The following TBC1D5 variants were observed in gnomAD, a reference collection of about 807,000 sequenced individuals.
TBC1D5 encodes TBC1 domain family, member 5.
A neutral mutation model predicts 100.3 loss-of-function variants in TBC1D5; 75 were observed. That is an observed-to-expected ratio of 0.75 (90% CI 0.62 to 0.91). The LOEUF (loss-of-function observed/expected upper bound fraction) is 0.91, where lower values mean the gene tolerates loss of function less well. TBC1D5 is among the 40% of genes least tolerant of loss of function. The pLI is 0.00. For synonymous variants in TBC1D5, 323 were observed against 325.6 expected, an observed-to-expected ratio of 0.99 and a Z score of 0.09; for missense variants, 910 against 942.4, an observed-to-expected ratio of 0.97 and a Z score of 0.45.
At chr3:17,642,219 C>T (rs1014464416) in intron 1 of TBC1D5, among the ~76,000 whole-genome samples, 1 of 151,968 alleles carries the variant, frequency 6.6e-6, no homozygotes, top group Non-Finnish European at 1.5e-5. Flanking sequence ...TGAGGGTGAC[C>T]ATTGTGTTCT....
At chr3:17,667,531 A>C (rs965439649) in intron 1 of TBC1D5, among the ~76,000 whole-genome samples, 2 of 151,960 alleles carry the variant, frequency 1.3e-5, no homozygotes, top group African/African-American at 4.8e-5. Context: ...TCATGGCTGC[A>C]GCCTTGACCT....
chr3:17,620,161 C>T (rs1239656361), intron 2 of TBC1D5, among the ~76,000 whole-genome samples: 1 of 152,160 alleles, frequency 6.6e-6, no homozygotes, highest in African/African-American at 2.4e-5. Context: ...TTGTTAGCAA[C>T]AAAGTCTCAC....
intron 14 of TBC1D5, among the ~76,000 whole-genome samples, chr3:17,293,304 A>G (rs2081943240): frequency 1.3e-5 from 2 of 152,224 alleles, no homozygotes; most frequent in South Asian, 4.1e-4. Flanking sequence ...TTTTATGTAC[A>G]GATTTCTTTG....
intron 3 of TBC1D5, among the ~76,000 whole-genome samples, chr3:17,504,457 T>G (rs1405178410): frequency 6.6e-6 from 1 of 151,584 alleles, no homozygotes; most frequent in Admixed American, 6.6e-5. Context: ...AAAAACAAAA[T>G]AAAAATTAAA....
At chr3:17,682,831 C>T (rs2153813586) in intron 1 of TBC1D5, among the ~76,000 whole-genome samples, 1 of 151,566 alleles carries the variant, frequency 6.6e-6, no homozygotes, top group East Asian at 1.9e-4. Flanking sequence ...AACTTAAAAA[C>T]TTTTAGTGAT....
chr3:17,461,353 G>A (rs546746074), intron 3 of TBC1D5, among the ~76,000 whole-genome samples: 5 of 152,102 alleles, frequency 3.3e-5, no homozygotes, highest in African/African-American at 1.2e-4. Flanking sequence ...TGTACATACT[G>A]TGGGCTTCTC....
chr3:17,166,664 G>A, intron 21 of TBC1D5, 103 bp downstream of exon 22: 1 of 1,462,922 alleles, frequency 6.8e-7, no homozygotes. Context: ...TTCATACATG[G>A]TAATTTGAAG....
rs868234497 is a variant in TBC1D5 at position 17,532,263 on chromosome 3, A to T, written c.-35-23658T>A. Among the ~76,000 whole-genome samples, 483 of 152,366 alleles carry T rather than the reference A, an allele frequency of 3.2e-3. 3 individuals are homozygous for T. The highest frequency in any genetic ancestry group is 0.02 in the South Asian group (96 of 4,832). On this transcript the variant is annotated intron_variant, in intron 2 of 21. Transcript: ENST00000253692. ...CTCATCATCACTGGCCATCAGAGAA[A>T]TGCAAATCAAAACCACAATGAGATA...
At chr3:17,474,399 C>T (rs560600788) in intron 3 of TBC1D5, among the ~76,000 whole-genome samples, 1 of 151,902 alleles carries the variant, frequency 6.6e-6, no homozygotes, top group Non-Finnish European at 1.5e-5. Flanking sequence ...AAAATCATAC[C>T]CTGTTTTCTA....
At chr3:17,495,499 T>A (rs181183149) in intron 3 of TBC1D5, among the ~76,000 whole-genome samples, 8 of 152,344 alleles carry the variant, frequency 5.3e-5, no homozygotes, top group African/African-American at 1.9e-4. Context: ...CTTTTCTGTT[T>A]ACAGAGAACA....
intron 15 of TBC1D5, among the ~76,000 whole-genome samples, chr3:17,281,174 T>C (rs547166917): frequency 1.3e-5 from 2 of 152,220 alleles, no homozygotes; most frequent in Non-Finnish European, 2.9e-5. Context: ...CATCTTTACG[T>C]GTTTCAACCA....
At chr3:17,328,942 A>T (rs1243498385) in intron 13 of TBC1D5, among the ~76,000 whole-genome samples, 1 of 152,230 alleles carries the variant, frequency 6.6e-6, no homozygotes, top group African/African-American at 2.4e-5. Context: ...GGATGAGGAA[A>T]TAGTTTTAAA....
At chr3:17,595,012 C>T (rs1057423043) in intron 2 of TBC1D5, among the ~76,000 whole-genome samples, 18 of 152,224 alleles carry the variant, frequency 1.2e-4, no homozygotes, top group Admixed American at 6.5e-4. Flanking sequence ...AATCAGCTGC[C>T]AGCACAGCTA....
chr3:17,228,509 C>T (rs895784538), intron 17 of TBC1D5, among the ~76,000 whole-genome samples: 3 of 152,116 alleles, frequency 2.0e-5, no homozygotes, highest in Non-Finnish European at 4.4e-5. Flanking sequence ...TGAAACCCCT[C>T]CTGGTAGGAC....
intron 15 of TBC1D5, among the ~76,000 whole-genome samples, chr3:17,286,062 C>T (rs1211819551): frequency 1.3e-5 from 2 of 152,082 alleles, no homozygotes; most frequent in African/African-American, 4.8e-5. Flanking sequence ...AAATGGTAGC[C>T]GTCAAATTCT....
intron 17 of TBC1D5, among the ~76,000 whole-genome samples, chr3:17,236,640 C>T (rs2075877495): frequency 6.6e-6 from 1 of 152,136 alleles, no homozygotes; most frequent in Non-Finnish European, 1.5e-5. Context: ...CATGCACCAC[C>T]ATGCCCAGCT....
intron 3 of TBC1D5, among the ~76,000 whole-genome samples, chr3:17,472,567 T>C (rs906317486): frequency 9.2e-5 from 14 of 152,288 alleles, no homozygotes; most frequent in Admixed American, 2.6e-4. Flanking sequence ...TATTTCTCCA[T>C]AGCACTTATC....
chr3:17,471,130 A>G (rs930123666), intron 3 of TBC1D5, among the ~76,000 whole-genome samples: 1 of 152,212 alleles, frequency 6.6e-6, no homozygotes, highest in African/African-American at 2.4e-5. Context: ...CTGCTAGGTG[A>G]TCACACCACC....
intron 13 of TBC1D5, among the ~76,000 whole-genome samples, chr3:17,363,886 ATTTC>A (rs779148523): frequency 4.6e-5 from 7 of 151,912 alleles, no homozygotes; most frequent in Non-Finnish European, 1.0e-4. Context: ...TCTTCATATT[ATTTC>A]TTTATGTATG....
Sources: gnomAD v4.1 joint callset for allele counts (sites outside exome capture counted in the v4.1 genomes callset) on GRCh38, gnomAD v4.1.1 for gene constraint, MANE v1.5 for transcripts, NCBI Gene and HGNC (gene_info 2026-07-23, HGNC 2026-07-21) for gene names.